The following EXOC6B variants were observed in gnomAD, a reference collection of about 807,000 sequenced individuals.
EXOC6B encodes SEC15 homolog B.
EXOC6B carries 54 observed loss-of-function variants against 113.5 expected under a neutral mutation model. The observed-to-expected ratio is 0.48, with a 90% confidence interval of 0.38 to 0.60. The LOEUF is 0.60. EXOC6B is among the 20% of genes least tolerant of loss of function. The pLI, the probability that EXOC6B is intolerant of heterozygous loss-of-function variation, is 0.00. For synonymous variants in EXOC6B, 357 were observed against 339.0 expected, an observed-to-expected ratio of 1.05 and a Z score of -0.58; for missense variants, 797 against 977.5, an observed-to-expected ratio of 0.82 and a Z score of 2.46.
chr2:72,354,490 C>T (rs988281397), intron 19 of EXOC6B, among the ~76,000 whole-genome samples: 8 of 152,142 alleles, frequency 5.3e-5, no homozygotes, highest in Admixed American at 2.0e-4. Context: ...TCTTAGGCCA[C>T]GATAAGGAGG....
chr2:72,213,108 G>A (rs186508324), intron 20 of EXOC6B, among the ~76,000 whole-genome samples: 143 of 152,338 alleles, frequency 9.4e-4, no homozygotes, highest in African/African-American at 3.3e-3. Context: ...CTGAAATCCA[G>A]TTGCCAAATA....
rs1480312390 is a variant in EXOC6B at position 72,432,272 on chromosome 2, G to T, written c.1980+32888C>A. The stretch of plus-strand genomic sequence containing the variant: ...GCTGGTCTCGAACTCCTGACCTCAG[G>T]TGATCCACCCACCTCAGCCTCCCAA... On this transcript the variant is annotated intron_variant, in intron 18 of 21. Transcript: ENST00000272427. Among the ~76,000 whole-genome samples the T allele has an allele frequency of 2.6e-5, 4 of 152,086 alleles. No homozygotes were observed. The East Asian group carries it at 7.7e-4, about 29-fold the overall frequency.
At chr2:72,233,973 GC>G (rs1485213052) in intron 20 of EXOC6B, among the ~76,000 whole-genome samples, 1 of 151,996 alleles carries the variant, frequency 6.6e-6, no homozygotes, top group Non-Finnish European at 1.5e-5. Flanking sequence ...GGATGGTAAG[GC>G]GTGTGCCCCA....
chr2:72,491,212 TAAAGTC>T (rs1352720235), intron 16 of EXOC6B, among the ~76,000 whole-genome samples: 3 of 152,084 alleles, frequency 2.0e-5, no homozygotes. Context: ...TTATCCCAAA[TAAAGTC>T]TAAGGTAATT....
At chr2:72,266,009 G>C (rs1409196811) in intron 20 of EXOC6B, among the ~76,000 whole-genome samples, 1 of 152,210 alleles carries the variant, frequency 6.6e-6, no homozygotes, top group Non-Finnish European at 1.5e-5. Context: ...GGCCAGTGAT[G>C]ATGAGCATTT....
intron 20 of EXOC6B, among the ~76,000 whole-genome samples, chr2:72,246,734 T>A (rs1023234031): frequency 1.1e-4 from 16 of 152,046 alleles, no homozygotes; most frequent in African/African-American, 2.9e-4. Context: ...TGCCTCAGCC[T>A]CCCAAAGCAC....
intron 6 of EXOC6B, among the ~76,000 whole-genome samples, chr2:72,655,599 T>C (rs1350596357): frequency 1.3e-5 from 2 of 152,000 alleles, no homozygotes; most frequent in African/African-American, 4.8e-5. Flanking sequence ...AGTACATGTA[T>C]TCAAAGATGC....
At chr2:72,347,480 G>C (rs1348874708) in intron 19 of EXOC6B, among the ~76,000 whole-genome samples, 1 of 152,092 alleles carries the variant, frequency 6.6e-6, no homozygotes, top group African/African-American at 2.4e-5. Context: ...ACATTTAACA[G>C]AACAGTGAAA....
chr2:72,516,658 T>C (rs1701227259), intron 8 of EXOC6B, among the ~76,000 whole-genome samples: 1 of 152,206 alleles, frequency 6.6e-6, no homozygotes, highest in Non-Finnish European at 1.5e-5. Context: ...TACATTTGAA[T>C]AGTGACTCTG....
At chr2:72,743,436 C>A (rs1014650637) in intron 1 of EXOC6B, among the ~76,000 whole-genome samples, 3 of 152,188 alleles carry the variant, frequency 2.0e-5, no homozygotes, top group African/African-American at 7.2e-5. Flanking sequence ...CTTCCATCCT[C>A]TAAGTTCCAG....
intron 1 of EXOC6B, among the ~76,000 whole-genome samples, chr2:72,750,310 A>G (rs1338477796): frequency 6.6e-6 from 1 of 152,082 alleles, no homozygotes; most frequent in East Asian, 1.9e-4. Context: ...AAGCAGGCAA[A>G]ATAGGATGAA....
intron 1 of EXOC6B, among the ~76,000 whole-genome samples, chr2:72,818,986 T>C (rs889804598): frequency 4.6e-5 from 7 of 152,236 alleles, no homozygotes; most frequent in African/African-American, 1.7e-4. Flanking sequence ...TATTCATTTA[T>C]TCTGTAAGTG....
At chr2:72,527,995 T>C (rs1167184440) in intron 8 of EXOC6B, among the ~76,000 whole-genome samples, 1 of 152,034 alleles carries the variant, frequency 6.6e-6, no homozygotes, top group Non-Finnish European at 1.5e-5. Flanking sequence ...CACTCCACTG[T>C]ATCTTTTACC....
chr2:72,434,947 G>A (rs1695763193), intron 18 of EXOC6B, among the ~76,000 whole-genome samples: 1 of 152,012 alleles, frequency 6.6e-6, no homozygotes, highest in Non-Finnish European at 1.5e-5. Flanking sequence ...TCTTCTGCTA[G>A]CTTTTGAATG....
intron 18 of EXOC6B, among the ~76,000 whole-genome samples, chr2:72,448,464 A>G (rs1409291713): frequency 6.6e-6 from 1 of 152,186 alleles, no homozygotes. Context: ...TGTCTGCTTC[A>G]TATATTTTTA....
intron 19 of EXOC6B, among the ~76,000 whole-genome samples, chr2:72,363,992 C>T (rs1218361879): frequency 6.6e-6 from 1 of 152,032 alleles, no homozygotes; most frequent in African/African-American, 2.4e-5. Flanking sequence ...AAGGTATATT[C>T]ACATTTCATC....
intron 18 of EXOC6B, chr2:72,463,298 T>C (rs1313973543): frequency 6.6e-6 from 1 of 152,144 alleles, no homozygotes; most frequent in Non-Finnish European, 1.5e-5. Flanking sequence ...CAAAATGACA[T>C]AATTTTCTGC....
At chr2:72,567,775 T>TATAACTCATTGTATATAAA in intron 7 of EXOC6B, among the ~76,000 whole-genome samples, 1 of 152,178 alleles carries the variant, frequency 6.6e-6, no homozygotes, top group African/African-American at 2.4e-5. Flanking sequence ...CAAGATGGAA[T>TATAACTCATTGTATATAAA]ATAACTCATT....
chr2:72,300,716 G>C (rs1288772687), intron 20 of EXOC6B, among the ~76,000 whole-genome samples: 2 of 152,198 alleles, frequency 1.3e-5, no homozygotes, highest in Non-Finnish European at 2.9e-5. Context: ...TGCAGTATCT[G>C]GCCGGAGTGC....
Sources: gnomAD v4.1 joint callset for allele counts (sites outside exome capture counted in the v4.1 genomes callset) on GRCh38, gnomAD v4.1.1 for gene constraint, MANE v1.5 for transcripts, NCBI Gene and HGNC (gene_info 2026-07-23, HGNC 2026-07-21) for gene names.